LRRFIP1: variants seen among roughly 807,000 people sequenced by gnomAD.
LRRFIP1 encodes leucine-rich repeat flightless-interacting protein 1.
In LRRFIP1, 62 loss-of-function variants were observed where a neutral mutation model predicts 104.4. That is an observed-to-expected ratio of 0.59 (90% CI 0.48 to 0.73). The LOEUF (loss-of-function observed/expected upper bound fraction) is 0.73, where lower values mean the gene tolerates loss of function less well. Among genes scored for constraint, LRRFIP1 ranks in the 30% least tolerant of loss-of-function variants. The probability of loss-of-function intolerance (pLI) is 0.00; values close to 1 mark genes in which losing one functional copy is unlikely to be tolerated. For synonymous variants in LRRFIP1, 300 were observed against 299.0 expected, an observed-to-expected ratio of 1.00 and a Z score of -0.03; for missense variants, 796 against 824.5, an observed-to-expected ratio of 0.97 and a Z score of 0.42.
intron 15 of LRRFIP1, among the ~76,000 whole-genome samples, chr2:237,754,043 T>A (rs1014806745): frequency 6.6e-6 from 1 of 152,094 alleles, no homozygotes; most frequent in Admixed American, 6.5e-5. Flanking sequence ...CTGGAGACAG[T>A]TTTTCTAGGA....
intron 17 of LRRFIP1, among the ~76,000 whole-genome samples, chr2:237,758,505 G>A (rs1353888556): frequency 6.6e-6 from 1 of 152,168 alleles, no homozygotes; most frequent in African/African-American, 2.4e-5. Flanking sequence ...TTCAAGATGC[G>A]CATGTCTTTC....
chr2:237,666,588 G>C (rs151317823), intron 1 of LRRFIP1, among the ~76,000 whole-genome samples: 43 of 151,538 alleles, frequency 2.8e-4, no homozygotes, highest in African/African-American at 9.7e-4. Context: ...TCTCTTCCTG[G>C]AGACAGGGAG....
intron 11 of LRRFIP1, among the ~76,000 whole-genome samples, chr2:237,741,875 T>C (rs571723307): frequency 6.2e-4 from 94 of 152,084 alleles, no homozygotes; most frequent in African/African-American, 2.3e-3. Context: ...AATATAAGTA[T>C]TTACAATTGA....
rs1395095396 is a variant in LRRFIP1, at chr2:237,691,829, C to T, written c.97-16715C>T. ...CTTTTCCTCCAGGTCCTCTTTCCGG[C>T]GGGGGCCGGAGGGGTGGTGATGGAC... On this transcript the variant is annotated intron_variant, in intron 1 of 23. Transcript: ENST00000308482. This position sits in a 1 kb window ranked among gnomAD's most constrained non-coding sequence, Gnocchi z 5.4. Among the ~76,000 whole-genome samples, 3 of 151,640 alleles carry T rather than the reference C, an allele frequency of 2.0e-5. No homozygotes were observed. The highest frequency in any genetic ancestry group is 4.4e-5 in the Non-Finnish European group (3 of 67,856).
In LRRFIP1 at chr2:237,633,263, T is replaced by G. The variant is rs533132821; in HGVS notation, c.96+5523T>G. Among the ~76,000 whole-genome samples, 3 of 152,296 alleles carry G rather than the reference T, an allele frequency of 2.0e-5. No homozygotes were observed. In the South Asian group the frequency reaches 6.2e-4, roughly 32 times the overall value. On this transcript the variant is annotated intron_variant, in intron 1 of 23. Transcript: ENST00000308482. ...TGACAAGACTGGTGTTCCAGACGGA[T>G]TTTTACCAACAGTCTGAGCTGTTGG...
At chr2:237,676,503 T>G (rs1425172375) in intron 1 of LRRFIP1, among the ~76,000 whole-genome samples, 1 of 152,012 alleles carries the variant, frequency 6.6e-6, no homozygotes, top group Non-Finnish European at 1.5e-5. Flanking sequence ...TTTTTGTGGG[T>G]TTTGTTTCGT....
At chr2:237,755,848 C>T (rs886884268) in intron 15 of LRRFIP1, among the ~76,000 whole-genome samples, 2 of 152,168 alleles carry the variant, frequency 1.3e-5, no homozygotes, top group Non-Finnish European at 2.9e-5. Flanking sequence ...GCAGCAGAAT[C>T]GCTTGAACCC....
intron 1 of LRRFIP1, among the ~76,000 whole-genome samples, chr2:237,687,224 T>C (rs185172437): frequency 3.9e-5 from 6 of 152,354 alleles, no homozygotes; most frequent in African/African-American, 1.2e-4. Flanking sequence ...ATAAAGTCTG[T>C]TGTAAACTGA....
At position 237,631,984 on chromosome 2, in the gene LRRFIP1, C is replaced by G. The variant is rs185639870; in HGVS notation, c.96+4244C>G. Among the ~76,000 whole-genome samples, 25 of 152,364 alleles carry G rather than the reference C, an allele frequency of 1.6e-4. No homozygotes were observed. The East Asian group carries it at 3.1e-3, about 19-fold the overall frequency. On this transcript the variant is annotated intron_variant, in intron 1 of 23. Coordinates refer to ENST00000308482, the MANE Select transcript of LRRFIP1 (RefSeq NM_001137550.2). ...TGCGGCCTCGGGCCCTGATCCATGG[C>G]AGGGGCACTGCTGCCCCACCCGGCT...
Position 237,760,110 on chromosome 2 carries a change from C to T in LRRFIP1, c.1364C>T (p.Thr455Ile). ...TCAGAAATAGCTACCAATGGAGAGA[C>T]TTCCGACACCCTCAATAATGTTGGA... ...LNSEIATNGE[T>I]SDTLNNVGYQ... Residue 455 changes from threonine (T) to isoleucine (I), a missense_variant, in exon 19 of 24, where the codon ACT becomes ATT. Coordinates refer to ENST00000308482, the MANE Select transcript of LRRFIP1 (RefSeq NM_001137550.2). The T allele has an allele frequency of 6.2e-7, 1 of 1,613,872 alleles. No individual in the cohort carries two copies. The highest frequency in any genetic ancestry group is 8.5e-7 in the Non-Finnish European group (1 of 1,179,822).
At position 237,756,199 on chromosome 2, in the gene LRRFIP1, T is replaced by A; in HGVS notation, c.1131+12T>A. The A allele has an allele frequency of 1.2e-6, 2 of 1,601,220 alleles. No individual in the cohort carries two copies. Among genetic ancestry groups the A allele is most frequent in the Non-Finnish European group, 1.7e-6 (2 of 1,169,874 alleles). On this transcript the variant is annotated intron_variant, in intron 16 of 23. Transcript: ENST00000308482. ...AGGAAATGCTCGAGGTAGGTAGCATTCTCCTGCTTTTCTTTTCCTTTTTTC... is the reference window on the plus strand; with the variant it reads ...AGGAAATGCTCGAGGTAGGTAGCATACTCCTGCTTTTCTTTTCCTTTTTTC...
chr2:237,725,717 G>C (rs1196868543), intron 7 of LRRFIP1, among the ~76,000 whole-genome samples: 1 of 152,228 alleles, frequency 6.6e-6, no homozygotes, highest in Non-Finnish European at 1.5e-5. Context: ...TTCCTGCAAA[G>C]TAACAGTTTT....
At chr2:237,695,850 C>T (rs992251822) in intron 1 of LRRFIP1, among the ~76,000 whole-genome samples, 4 of 151,686 alleles carry the variant, frequency 2.6e-5, no homozygotes, top group African/African-American at 9.7e-5. Context: ...TAAGTAAATT[C>T]GTTTCTTTCT....
At chr2:237,710,378 G>T (rs939548133) in intron 2 of LRRFIP1, among the ~76,000 whole-genome samples, 1 of 151,800 alleles carries the variant, frequency 6.6e-6, no homozygotes, top group Non-Finnish European at 1.5e-5. Context: ...CCCTCTCCTG[G>T]GTTCAAGCGA....
Position 237,729,941 on chromosome 2 carries a change from G to A in LRRFIP1, c.444+2006G>A, listed in dbSNP as rs192727890. On this transcript the variant is annotated intron_variant, in intron 8 of 23. Coordinates refer to ENST00000308482, the MANE Select transcript of LRRFIP1 (RefSeq NM_001137550.2). ...GGATTCAGCTCTACTTTTCTCTTTC[G>A]GTGTCTGTTTGACGGATTTTTGTTT... 5.4e-5 allele frequency: 29 copies of A among 536,350 alleles called. No homozygotes were observed. In the East Asian group the frequency reaches 7.4e-4, roughly 14 times the overall value. The allele number at this position is 536,350 out of a possible 1,614,324, so 33.2% of individuals were successfully genotyped here.
chr2:237,765,005 T>TA (rs2060163681), intron 19 of LRRFIP1: 2 of 976,106 alleles, frequency 2.0e-6, no homozygotes, highest in Non-Finnish European at 2.4e-6. Context: ...CTCATGCCTG[T>TA]AATCTCAGTA....
At chr2:237,660,766 A>G (rs1358416880) in intron 1 of LRRFIP1, among the ~76,000 whole-genome samples, 2 of 152,250 alleles carry the variant, frequency 1.3e-5, no homozygotes, top group East Asian at 3.8e-4. Context: ...GCTCTGAGCT[A>G]GATTGTTTAG....
intron 4 of LRRFIP1, among the ~76,000 whole-genome samples, chr2:237,719,243 A>G (rs2094453640): frequency 6.6e-6 from 1 of 152,286 alleles, no homozygotes; most frequent in Non-Finnish European, 1.5e-5. Context: ...GATAGAGGTT[A>G]GAAAAAAATT....
Position 237,735,369 on chromosome 2 carries a change from G to A in LRRFIP1, c.555+36G>A. 6.3e-7 allele frequency: 1 copy of A among 1,599,162 alleles called. No individual in the cohort carries two copies. The highest frequency in any genetic ancestry group is 1.1e-5 in the South Asian group (1 of 89,932). On this transcript the variant is annotated intron_variant, in intron 10 of 23. Transcript: ENST00000308482. This position sits in a 1 kb window ranked among gnomAD's most constrained non-coding sequence, Gnocchi z 4.6. ...TTCGGTGATACCTCCTTTCCCCCGT[G>A]CCTGCTGCATGGCCTGGGGATGCTC... is the stretch of plus-strand genomic sequence containing the variant.
Sources: allele counts gnomAD v4.1 joint callset (sites outside exome capture counted in the v4.1 genomes callset), GRCh38; gene constraint gnomAD v4.1.1; non-coding constraint Gnocchi (gnomAD v3.1); transcripts MANE v1.5; gene names NCBI Gene and HGNC (gene_info 2026-07-23, HGNC 2026-07-21).